The following SLC35F1 variants were observed in gnomAD, a reference collection of about 807,000 sequenced individuals.
The protein encoded by SLC35F1 is solute carrier family 35 member F1, also known as chromosome 6 open reading frame 169.
A neutral mutation model predicts 48.7 loss-of-function variants in SLC35F1; 14 were observed. The ratio of observed to expected loss-of-function variants is 0.29; its 90% CI spans 0.19 to 0.45. The LOEUF is 0.45. SLC35F1 is among the 20% of genes least tolerant of loss of function. SLC35F1 has a pLI of 1.00. For missense variants in SLC35F1, 404 were observed against 500.0 expected (o/e 0.81, Z 1.83); for synonymous variants, 190 against 202.2 (o/e 0.94, Z 0.51).
At chr6:118,049,077 G>T (rs1772344950) in intron 1 of SLC35F1, among the ~76,000 whole-genome samples, 1 of 152,066 alleles carries the variant, frequency 6.6e-6, no homozygotes, top group Admixed American at 6.6e-5. Context: ...ACAACCATCT[G>T]ATCTTTGACA....
At chr6:117,914,455 C>G (rs1233571355) in intron 1 of SLC35F1, among the ~76,000 whole-genome samples, 2 of 152,086 alleles carry the variant, frequency 1.3e-5, no homozygotes, top group African/African-American at 2.4e-5. Context: ...ATATCTGAGT[C>G]TGAGAAAGCA....
chr6:118,200,883 T>C (rs1248132897), intron 2 of SLC35F1, among the ~76,000 whole-genome samples: 1 of 152,114 alleles, frequency 6.6e-6, no homozygotes, highest in African/African-American at 2.4e-5. Context: ...TTTCTGTTTT[T>C]TGATTTGGTT....
intron 1 of SLC35F1, among the ~76,000 whole-genome samples, chr6:117,909,216 A>G (rs1195466714): frequency 2.0e-5 from 3 of 152,190 alleles, no homozygotes; most frequent in African/African-American, 7.2e-5. Context: ...CTTCCAAAAG[A>G]TAAAGTAGAA....
At chr6:118,037,121 T>C (rs1268491746) in intron 1 of SLC35F1, among the ~76,000 whole-genome samples, 1 of 152,238 alleles carries the variant, frequency 6.6e-6, no homozygotes, top group Non-Finnish European at 1.5e-5. Context: ...ATAGCAACTT[T>C]GCCTTTGTAA....
intron 1 of SLC35F1, among the ~76,000 whole-genome samples, chr6:118,105,880 T>C (rs1773321049): frequency 6.6e-6 from 1 of 152,206 alleles, no homozygotes; most frequent in African/African-American, 2.4e-5. Context: ...GTAGATAGTA[T>C]GATGACCTTA....
At chr6:118,001,602 G>A (rs930605453) in intron 1 of SLC35F1, among the ~76,000 whole-genome samples, 4 of 151,898 alleles carry the variant, frequency 2.6e-5, no homozygotes, top group Non-Finnish European at 5.9e-5. Flanking sequence ...TGACAAATGG[G>A]ATCTAATTAA....
chr6:118,231,646 G>C (rs1226257806), intron 2 of SLC35F1, among the ~76,000 whole-genome samples: 1 of 152,158 alleles, frequency 6.6e-6, no homozygotes, highest in Non-Finnish European at 1.5e-5. Flanking sequence ...CATTTATTTA[G>C]GGTGTTTTGC....
intron 2 of SLC35F1, among the ~76,000 whole-genome samples, chr6:118,188,602 A>T (rs1021131882): frequency 1.3e-5 from 2 of 151,982 alleles, no homozygotes; most frequent in African/African-American, 2.4e-5. Flanking sequence ...CCTTAAACTT[A>T]TTGGACAGTG....
chr6:117,942,904 A>G (rs1251003329), intron 1 of SLC35F1, among the ~76,000 whole-genome samples: 1 of 152,244 alleles, frequency 6.6e-6, no homozygotes. Flanking sequence ...AAATGAATTA[A>G]CAGCCTGTAG....
intron 1 of SLC35F1, among the ~76,000 whole-genome samples, chr6:118,123,195 C>A (rs1273331353): frequency 1.3e-5 from 2 of 152,100 alleles, no homozygotes; most frequent in Non-Finnish European, 2.9e-5. Flanking sequence ...GGGAGAAACA[C>A]TTCTCTGGCT....
chr6:118,265,483 G>T (rs760248503), intron 3 of SLC35F1, among the ~76,000 whole-genome samples: 1 of 152,270 alleles, frequency 6.6e-6, no homozygotes, highest in East Asian at 1.9e-4. Flanking sequence ...GATCTAAGAG[G>T]CTTTCCTGAG....
chr6:117,972,681 T>G (rs1776658189), intron 1 of SLC35F1, among the ~76,000 whole-genome samples: 1 of 152,144 alleles, frequency 6.6e-6, no homozygotes, highest in Admixed American at 6.5e-5. Flanking sequence ...CTCATAAGAC[T>G]TATTCACTAT....
intron 1 of SLC35F1, among the ~76,000 whole-genome samples, chr6:118,036,489 G>A (rs1229979059): frequency 2.0e-5 from 3 of 152,152 alleles, no homozygotes; most frequent in African/African-American, 7.2e-5. Flanking sequence ...GCAGTCGTAA[G>A]ATGTAGTATT....
chr6:118,240,043 A>G (rs555464969), intron 3 of SLC35F1, among the ~76,000 whole-genome samples: 2 of 152,340 alleles, frequency 1.3e-5, no homozygotes, highest in African/African-American at 4.8e-5. Flanking sequence ...ATATTAATTG[A>G]ACACATAGTA....
intron 1 of SLC35F1, among the ~76,000 whole-genome samples, chr6:118,079,941 G>A (rs1214028014): frequency 1.2e-4 from 19 of 152,168 alleles, no homozygotes; most frequent in Non-Finnish European, 1.0e-4. Flanking sequence ...TACTTTCTAT[G>A]TTAAGGCATG....
At chr6:117,939,754 T>TC (rs1159622619) in intron 1 of SLC35F1, among the ~76,000 whole-genome samples, 3 of 152,186 alleles carry the variant, frequency 2.0e-5, no homozygotes, top group Non-Finnish European at 4.4e-5. Context: ...GCTTTTTTTT[T>TC]CACTTACTTT....
intron 1 of SLC35F1, among the ~76,000 whole-genome samples, chr6:118,055,065 G>A (rs749784477): frequency 5.9e-5 from 9 of 152,090 alleles, no homozygotes; most frequent in Non-Finnish European, 1.3e-4. Context: ...GCGAGCCACC[G>A]TGCCCATCCT....
At chr6:118,002,605 A>G (rs573700559) in intron 1 of SLC35F1, among the ~76,000 whole-genome samples, 8 of 152,106 alleles carry the variant, frequency 5.3e-5, no homozygotes, top group African/African-American at 1.9e-4. Context: ...TATAATAATA[A>G]TAATAAAATT....
chr6:117,971,738 C>A (rs1056048115), intron 1 of SLC35F1, among the ~76,000 whole-genome samples: 9 of 152,268 alleles, frequency 5.9e-5, no homozygotes, highest in African/African-American at 2.2e-4. Context: ...ACAGCCTGAC[C>A]TGTACATTGG....
Sources: allele counts gnomAD v4.1 joint callset (sites outside exome capture counted in the v4.1 genomes callset), GRCh38; gene constraint gnomAD v4.1.1; transcripts MANE v1.5; gene names NCBI Gene and HGNC (gene_info 2026-07-23, HGNC 2026-07-21).